Variants in TPM4 observed in about 807,000 individuals in gnomAD.
TPM4 encodes the protein tropomyosin 4.
In TPM4, 17 loss-of-function variants were observed where a neutral mutation model predicts 35.8. That is an observed-to-expected ratio of 0.47 (90% CI 0.32 to 0.71). The LOEUF is 0.71. Ranked by LOEUF, TPM4 falls within the 30% of genes least tolerant of loss-of-function variation. The pLI is 0.03. For synonymous variants in TPM4, 120 were observed against 122.9 expected, an observed-to-expected ratio of 0.98 and a Z score of 0.15; for missense variants, 240 against 320.9, an observed-to-expected ratio of 0.75 and a Z score of 1.93.
chr19:16,070,347 C>T lies in TPM4; in HGVS notation c.114+2609C>T, dbSNP rs2090344766. ...TGGGTGGGAGGAAGGAAGGGAGTCC[C>T]CTCCCACAGAGCCATGTTCCCCACA... is the stretch of plus-strand genomic sequence containing the variant. On this transcript the variant is annotated intron_variant, in intron 2 of 2. Transcript: ENST00000589897. The surrounding 1 kb of genome is among the most constrained non-coding windows in gnomAD (Gnocchi z 7.4). Among the ~76,000 whole-genome samples, 1 of 152,084 alleles carries T rather than the reference C, an allele frequency of 6.6e-6. No homozygotes were observed.
At chr19:16,087,536 C>T (rs1382069986) in intron 3 of TPM4, among the ~76,000 whole-genome samples, 2 of 151,816 alleles carry the variant, frequency 1.3e-5, no homozygotes, top group African/African-American at 4.8e-5. Context: ...AAGGTTGAGC[C>T]ACTGCATTTC....
rs559561824 is a variant in TPM4 at position 16,070,098 on chromosome 19, C to T, written c.114+2360C>T. Among the ~76,000 whole-genome samples the T allele has an allele frequency of 2.0e-5, 3 of 152,186 alleles. No homozygotes were observed. Among genetic ancestry groups the T allele is most frequent in the African/African-American group, 7.2e-5 (3 of 41,494 alleles). On this transcript the variant is annotated intron_variant, in intron 2 of 2. Transcript: ENST00000589897. This position sits in a 1 kb window ranked among gnomAD's most constrained non-coding sequence, Gnocchi z 7.4. Reference sequence around the variant, plus strand: ...TAGAGTTGAGAGTGAGTCTGAGAATCTCATTGTGTATGTGGGGGTGTCCCT... The same window carrying T: ...TAGAGTTGAGAGTGAGTCTGAGAATTTCATTGTGTATGTGGGGGTGTCCCT...
chr19:16,069,409 G>A (rs1003912173), intron 2 of TPM4, among the ~76,000 whole-genome samples: 2 of 612 alleles, frequency 3.3e-3, no homozygotes, highest in Non-Finnish European at 5.6e-3. Flanking sequence ...GTATGAGTGT[G>A]TGTTTCTGTT....
chr19:16,097,048 G>C (rs2090709532), intron 7 of TPM4, among the ~76,000 whole-genome samples: 1 of 140,784 alleles, frequency 7.1e-6, no homozygotes, highest in Middle Eastern at 3.7e-3. Flanking sequence ...CCGCCTCCTG[G>C]GTTCAAGTGA....
At position 16,070,626 on chromosome 19, in the gene TPM4, C is replaced by T. The variant is rs77830959; in HGVS notation, c.114+2888C>T. Among the ~76,000 whole-genome samples the T allele has an allele frequency of 0.077, 11,726 of 152,274 alleles. 1,425 individuals are homozygous for T. The highest frequency in any genetic ancestry group is 0.26 in the African/African-American group (10,943 of 41,516). On this transcript the variant is annotated intron_variant, in intron 2 of 2. Coordinates refer to the TPM4 transcript ENST00000589897. This position sits in a 1 kb window ranked among gnomAD's most constrained non-coding sequence, Gnocchi z 7.4. Reference sequence around the variant, plus strand: ...AGTGACAGTAGGGCCTCCCTTGCCACCCCATGACAGGATTAGAGGTGACTG... The same window carrying T: ...AGTGACAGTAGGGCCTCCCTTGCCATCCCATGACAGGATTAGAGGTGACTG...
At chr19:16,095,339 C>A in intron 7 of TPM4, 1 of 1,038,050 alleles carries the variant, frequency 9.6e-7, no homozygotes, top group South Asian at 4.4e-5. Flanking sequence ...GACATGACCT[C>A]TCTCTGAGAG....
At chr19:16,090,625 AG>A (rs1256791615) in intron 5 of TPM4, among the ~76,000 whole-genome samples, 2 of 152,072 alleles carry the variant, frequency 1.3e-5, no homozygotes, top group African/African-American at 4.8e-5. Context: ...CATCTAGGTT[AG>A]GTATTTCTCT....
intron 7 of TPM4, among the ~76,000 whole-genome samples, chr19:16,098,165 G>A (rs534466131): frequency 1.3e-3 from 195 of 152,214 alleles, no homozygotes; most frequent in South Asian, 0.012. Flanking sequence ...TGCTATGGCC[G>A]GGCACGGTGG....
chr19:16,087,429 TA>T (rs1409680729), intron 3 of TPM4, among the ~76,000 whole-genome samples: 1 of 151,808 alleles, frequency 6.6e-6, no homozygotes, highest in Non-Finnish European at 1.5e-5. Context: ...ATACAAAAAT[TA>T]GCCGGGCATG....
Position 16,067,648 on chromosome 19 carries a change from G to A in TPM4, c.24G>A (p.Met8Ile). 1 of 1,613,746 alleles carries A rather than the reference G, an allele frequency of 6.2e-7. No homozygotes were observed. Among genetic ancestry groups the A allele is most frequent in the South Asian group, 1.1e-5 (1 of 91,048 alleles). Reference sequence around the variant, plus strand: ...CCATGGAGGCCATCAAGAAGAAAATGCAGATGCTGAAGTTGGACAAGGAGA... The same window carrying A: ...CCATGGAGGCCATCAAGAAGAAAATACAGATGCTGAAGTTGGACAAGGAGA... Residue 8 changes from methionine to isoleucine, a missense_variant, in exon 2 of 3, where the codon ATG (methionine) becomes ATA (isoleucine). Coordinates refer to the TPM4 transcript ENST00000589897. The surrounding 1 kb of genome is among the most constrained non-coding windows in gnomAD (Gnocchi z 4.1).
chr19:16,102,491 T>TA lies in TPM4; in HGVS notation c.*1146dup, dbSNP rs1373529151. Reference sequence around the variant, plus strand: ...TTACTAAGTTGAGCAAAAGAGTTTTTATCTATTAGCAGAAAGGGCCTCTCT... The same window carrying TA: ...TTACTAAGTTGAGCAAAAGAGTTTTTAATCTATTAGCAGAAAGGGCCTCTCT... On this transcript the variant is annotated 3_prime_UTR_variant, in exon 8 of 8. Coordinates refer to ENST00000643579, the MANE Select transcript of TPM4 (RefSeq NM_003290.3). The TA allele has an allele frequency of 2.2e-5, 5 of 226,824 alleles. No homozygotes were observed. The highest frequency in any genetic ancestry group is 6.3e-5 in the East Asian group (1 of 15,782). The allele number at this position is 226,824 out of a possible 1,614,324, so 14.1% of individuals were successfully genotyped here. A position where few individuals can be genotyped will look rare whatever the true frequency, so the allele number is the denominator to read the frequency against.
rs1243898288 is a variant in TPM4, at chr19:16,070,125, C to T, written c.114+2387C>T. Among the ~76,000 whole-genome samples, 1 of 152,068 alleles carries T rather than the reference C, an allele frequency of 6.6e-6. No homozygotes were observed. Among genetic ancestry groups the T allele is most frequent in the Non-Finnish European group, 1.5e-5 (1 of 67,976 alleles). On this transcript the variant is annotated intron_variant, in intron 2 of 2. Transcript: ENST00000589897. This position sits in a 1 kb window ranked among gnomAD's most constrained non-coding sequence, Gnocchi z 7.4. ...CATTGTGTATGTGGGGGTGTCCCTG[C>T]TAAAAGCCTGGAGGCCGGGGCAGGT...
In TPM4 at chr19:16,089,221, T is replaced by C. The variant is rs933254150; in HGVS notation, c.531+101T>C. On this transcript the variant is annotated intron_variant, in intron 5 of 7. Transcript: ENST00000643579. ...GTCAGGTTATGGGGAATCTGCCCTT[T>C]ATTTAACAGTAGCGTTGGTGCCTGG... The C allele has an allele frequency of 1.4e-5, 21 of 1,479,980 alleles. No homozygotes were observed. In the African/African-American group the frequency reaches 2.8e-4, roughly 20 times the overall value. The allele number at this position is 1,479,980 out of a possible 1,614,324, so 91.7% of individuals were successfully genotyped here.
At chr19:16,100,508 C>G (rs1211991743) in intron 7 of TPM4, 1 of 152,202 alleles carries the variant, frequency 6.6e-6, no homozygotes, top group Non-Finnish European at 1.5e-5. Context: ...CTGTGATGTT[C>G]TGCTGTAATT....
intron 5 of TPM4, 98 bp downstream of exon 5, chr19:16,089,218 C>A: frequency 6.7e-7 from 1 of 1,502,076 alleles, no homozygotes; most frequent in South Asian, 1.2e-5. Flanking sequence ...GGAATCTGCC[C>A]TTTATTTAAC....
rs771193252 is a variant in TPM4 at position 16,067,608 on chromosome 19, C to A, written c.-17C>A. On this transcript the variant is annotated 5_prime_UTR_variant, in exon 2 of 3. Coordinates refer to the TPM4 transcript ENST00000589897. This position sits in a 1 kb window ranked among gnomAD's most constrained non-coding sequence, Gnocchi z 4.1. ...AGCCCGCCGCGCACCCCACGTCCCC[C>A]ACGCCAGCGCCCAGCCATGGAGGCC... 2 of 1,610,678 alleles carry A rather than the reference C, an allele frequency of 1.2e-6. No individual in the cohort carries two copies. The highest frequency in any genetic ancestry group is 1.7e-6 in the Non-Finnish European group (2 of 1,178,488).
intron 5 of TPM4, among the ~76,000 whole-genome samples, chr19:16,090,570 A>T (rs896763882): frequency 2.6e-5 from 4 of 151,974 alleles, no homozygotes; most frequent in Admixed American, 2.0e-4. Flanking sequence ...TCATCCTTTG[A>T]GCTTCTGCTT....
intron 2 of TPM4, among the ~76,000 whole-genome samples, chr19:16,084,827 C>A (rs909585283): frequency 1.3e-5 from 2 of 152,090 alleles, no homozygotes; most frequent in Admixed American, 6.6e-5. Context: ...TAGCTGAGAA[C>A]GGGTGACACC....
intron 2 of TPM4, among the ~76,000 whole-genome samples, chr19:16,083,757 CTT>C (rs573965261): frequency 2.3e-4 from 28 of 120,614 alleles, no homozygotes; most frequent in Middle Eastern, 5.0e-3. Context: ...AGATTCATTT[CTT>C]TTTTTTTTTT....
Sources: gnomAD v4.1 joint callset for allele counts (sites outside exome capture counted in the v4.1 genomes callset) on GRCh38, gnomAD v4.1.1 for gene constraint, Gnocchi (gnomAD v3.1) non-coding constraint, MANE v1.5 for transcripts, NCBI Gene and HGNC (gene_info 2026-07-23, HGNC 2026-07-21) for gene names.